GRID2: variants seen among roughly 807,000 people sequenced by gnomAD.
GRID2 encodes glutamate receptor ionotropic, delta-2.
A neutral mutation model predicts 114.8 loss-of-function variants in GRID2; 33 were observed. That is an observed-to-expected ratio of 0.29 (90% CI 0.22 to 0.38). The LOEUF (loss-of-function observed/expected upper bound fraction) is 0.38. GRID2 is among the 10% of genes least tolerant of loss of function. The pLI is 1.00. For missense variants in GRID2, 1,184 were observed against 1,257.7 expected (o/e 0.94, Z 0.89); for synonymous variants, 505 against 449.9 (o/e 1.12, Z -1.55).
At chr4:93,634,527 A>G (rs995885637) in intron 14 of GRID2, among the ~76,000 whole-genome samples, 13 of 152,132 alleles carry the variant, frequency 8.5e-5, no homozygotes, top group Non-Finnish European at 5.9e-5. Context: ...CATAAATTTG[A>G]GGAAACTGAG....
intron 4 of GRID2, among the ~76,000 whole-genome samples, chr4:93,185,456 A>G (rs955251153): frequency 6.6e-6 from 1 of 152,144 alleles, no homozygotes; most frequent in Non-Finnish European, 1.5e-5. Flanking sequence ...ACTCAAATCA[A>G]TTTTTCAATC....
chr4:92,766,802 A>G (rs1224972610), intron 2 of GRID2, among the ~76,000 whole-genome samples: 1 of 152,208 alleles, frequency 6.6e-6, no homozygotes, highest in Admixed American at 6.5e-5. Flanking sequence ...CTCTGTATTC[A>G]TAAGTATACA....
chr4:92,469,251 C>A (rs1251332633), intron 1 of GRID2, among the ~76,000 whole-genome samples: 2 of 151,852 alleles, frequency 1.3e-5, no homozygotes, highest in Admixed American at 6.6e-5. Flanking sequence ...ATTTGTTTTT[C>A]GTTAAAAGAT....
intron 8 of GRID2, among the ~76,000 whole-genome samples, chr4:93,388,755 A>G (rs1189150884): frequency 6.6e-6 from 1 of 152,178 alleles, no homozygotes; most frequent in African/African-American, 2.4e-5. Flanking sequence ...TTCGGCTAGG[A>G]TGGTAGGAAG....
chr4:93,081,228 A>G (rs181668724), intron 2 of GRID2, among the ~76,000 whole-genome samples: 47 of 152,350 alleles, frequency 3.1e-4, no homozygotes, highest in African/African-American at 1.1e-3. Context: ...AAAAAAGATC[A>G]CAAAGAAGAT....
rs553681236 is a variant in GRID2 at position 92,455,678 on chromosome 4, A to C, written c.89-134453A>C. On this transcript the variant is annotated intron_variant, in intron 1 of 15. Coordinates refer to ENST00000282020, the MANE Select transcript of GRID2 (RefSeq NM_001510.4). Reference sequence around the variant, plus strand: ...CATTGTGTCTAGGTAGGGTTTGGAAAGCAGTACCGGAGTGGTGGGCAGTGA... The same window carrying C: ...CATTGTGTCTAGGTAGGGTTTGGAACGCAGTACCGGAGTGGTGGGCAGTGA... Among the ~76,000 whole-genome samples, 70 of 152,262 alleles carry C rather than the reference A, an allele frequency of 4.6e-4. 1 individual carries two copies. Among genetic ancestry groups the C allele is most frequent in the Admixed American group, 3.7e-3 (56 of 15,284 alleles).
chr4:92,310,453 G>A (rs1294441100), intron 1 of GRID2, among the ~76,000 whole-genome samples: 1 of 151,936 alleles, frequency 6.6e-6, no homozygotes, highest in African/African-American at 2.4e-5. Context: ...TTAGACAGAT[G>A]TCTAAAAGAT....
At chr4:92,995,883 GACTTGATATTCT>G (rs1314735503) in intron 2 of GRID2, among the ~76,000 whole-genome samples, 1 of 151,924 alleles carries the variant, frequency 6.6e-6, no homozygotes, top group Admixed American at 6.6e-5. Flanking sequence ...GGTTTTGGAA[GACTTGATATTCT>G]ACTGATCATT....
intron 8 of GRID2, among the ~76,000 whole-genome samples, chr4:93,265,050 G>T (rs1050823284): frequency 1.3e-5 from 2 of 151,516 alleles, no homozygotes; most frequent in African/African-American, 4.8e-5. Flanking sequence ...CAAAGTGCGG[G>T]GATTACAGGC....
intron 8 of GRID2, among the ~76,000 whole-genome samples, chr4:93,309,915 T>C (rs1304351103): frequency 6.6e-6 from 1 of 152,128 alleles, no homozygotes; most frequent in African/African-American, 2.4e-5. Context: ...AATGATAAAA[T>C]TGATGGGCTT....
chr4:93,028,787 A>G (rs1205167490), intron 2 of GRID2, among the ~76,000 whole-genome samples: 2 of 152,018 alleles, frequency 1.3e-5, no homozygotes, highest in East Asian at 3.9e-4. Flanking sequence ...AGGCCTAGAA[A>G]ATGAGGTAGC....
At chr4:92,843,044 G>GC (rs1281061166) in intron 2 of GRID2, among the ~76,000 whole-genome samples, 1 of 151,982 alleles carries the variant, frequency 6.6e-6, no homozygotes, top group Admixed American at 6.6e-5. Flanking sequence ...TTTGAGACAA[G>GC]CCTAGGCAAT....
chr4:92,740,725 TA>T (rs1220686669), intron 2 of GRID2, among the ~76,000 whole-genome samples: 12 of 145,690 alleles, frequency 8.2e-5, no homozygotes, highest in African/African-American at 3.2e-4. Flanking sequence ...GATAGATAGA[TA>T]GATAGATAGA....
chr4:92,905,806 A>T (rs1747906339), intron 2 of GRID2, among the ~76,000 whole-genome samples: 1 of 151,728 alleles, frequency 6.6e-6, no homozygotes, highest in African/African-American at 2.4e-5. Context: ...TGCTACAATC[A>T]GACAATCAGA....
intron 1 of GRID2, among the ~76,000 whole-genome samples, chr4:92,518,157 C>T (rs1017026219): frequency 2.7e-5 from 4 of 150,872 alleles, no homozygotes; most frequent in African/African-American, 9.7e-5. Flanking sequence ...CTTCATCCCC[C>T]TTTTTTTTTC....
intron 1 of GRID2, among the ~76,000 whole-genome samples, chr4:92,569,732 C>CT (rs1727518128): frequency 6.6e-6 from 1 of 151,916 alleles, no homozygotes; most frequent in Admixed American, 6.6e-5. Flanking sequence ...TGGGGTTGAT[C>CT]TTTTTTCATG....
chr4:92,636,823 G>T (rs1317334687), intron 2 of GRID2, among the ~76,000 whole-genome samples: 1 of 151,914 alleles, frequency 6.6e-6, no homozygotes, highest in Non-Finnish European at 1.5e-5. Flanking sequence ...ACCTGACTGG[G>T]CTTAACTTTT....
intron 8 of GRID2, among the ~76,000 whole-genome samples, chr4:93,294,823 G>T (rs1489276313): frequency 6.6e-6 from 1 of 152,110 alleles, no homozygotes; most frequent in Non-Finnish European, 1.5e-5. Flanking sequence ...GCCTCTCTAA[G>T]TGCTGGGATT....
chr4:93,638,182 T>C (rs140504184), intron 14 of GRID2, among the ~76,000 whole-genome samples: 1 of 152,134 alleles, frequency 6.6e-6, no homozygotes, highest in Admixed American at 6.5e-5. Flanking sequence ...TCCATTCTGC[T>C]TCTGTCATTT....
Sources: allele counts gnomAD v4.1 joint callset (sites outside exome capture counted in the v4.1 genomes callset), GRCh38; gene constraint gnomAD v4.1.1; transcripts MANE v1.5; gene names NCBI Gene and HGNC (gene_info 2026-07-23, HGNC 2026-07-21).